Variants in SLC7A9 observed in about 807,000 individuals in gnomAD.
SLC7A9 encodes solute carrier family 7 member 9.
Under a neutral mutation model 54.1 loss-of-function variants are expected in SLC7A9, and 38 were observed. That is an observed-to-expected ratio of 0.70 (90% confidence interval 0.54 to 0.92). The LOEUF is 0.92. SLC7A9 is among the 40% of genes least tolerant of loss of function. The pLI is 0.00. For missense variants in SLC7A9, 537 were observed against 636.1 expected, an observed-to-expected ratio of 0.84 and a Z score of 1.68; for synonymous variants, 264 against 258.9, an observed-to-expected ratio of 1.02 and a Z score of -0.19.
intron 9 of SLC7A9, among the ~76,000 whole-genome samples, chr19:32,854,899 T>G (rs144558636): frequency 2.0e-4 from 31 of 152,248 alleles, no homozygotes; most frequent in Middle Eastern, 3.4e-3. Context: ...TGGGTATATA[T>G]TTGAATGAAT....
Position 32,864,893 on chromosome 19 carries a change from G to C in SLC7A9, c.88-117C>G. On this transcript the variant is annotated intron_variant, in intron 2 of 12. Transcript: ENST00000023064. ...GCCCCAGCCAAAGCCCATGTCCCAG[G>C]CGCTTCCACCCTGAGCGGCTGCCCT... The C allele has an allele frequency of 5.1e-6, 7 of 1,374,440 alleles. No individual in the cohort carries two copies. The South Asian group carries it at 7.0e-5, about 14-fold the overall frequency. 85.1% of individuals were successfully genotyped at this position (1,374,440 alleles called of 1,614,324 possible). A position where few individuals can be genotyped will look rare whatever the true frequency, so the allele number is the denominator to read the frequency against.
chr19:32,849,109 A>C (rs928999483), intron 9 of SLC7A9, among the ~76,000 whole-genome samples: 11 of 152,296 alleles, frequency 7.2e-5, no homozygotes, highest in Non-Finnish European at 1.6e-4. Flanking sequence ...ACAACCTAAC[A>C]TCACAATTAA....
intron 11 of SLC7A9, among the ~76,000 whole-genome samples, chr19:32,839,246 G>C (rs1968060153): frequency 6.6e-6 from 1 of 151,898 alleles, no homozygotes; most frequent in South Asian, 2.1e-4. Context: ...TCATTCTCTG[G>C]GTGATTCCTC....
Position 32,864,648 on chromosome 19 carries a change from G to T in SLC7A9, c.216C>A (p.Cys72Ter). 2 of 1,613,852 alleles carry T rather than the reference G, an allele frequency of 1.2e-6. No homozygotes were observed. Among genetic ancestry groups the T allele is most frequent in the Non-Finnish European group, 1.7e-6 (2 of 1,180,032 alleles). ...CTTTACCCAGCGTCGCGAGGACCCC[G>T]CAAGCCGCCCATATGATGAGGCAGG... ...VGPCLIIWAA[C>*]GVLATLGALC... Residue 72 changes from cysteine to a stop codon, truncating the protein, a stop_gained, in exon 3 of 13, where the codon TGC (cysteine) becomes TGA (stop). Transcript: ENST00000023064. LOFTEE classifies it high-confidence loss of function.
chr19:32,863,657 G>A (rs1418629854), intron 4 of SLC7A9, among the ~76,000 whole-genome samples: 5 of 152,154 alleles, frequency 3.3e-5, no homozygotes, highest in East Asian at 3.9e-4. Flanking sequence ...CACTGCCTGC[G>A]GCCCACCCCT....
intron 12 of SLC7A9, among the ~76,000 whole-genome samples, chr19:32,832,123 AAAC>A (rs147382051): frequency 0.025 from 3,820 of 151,932 alleles, 80 homozygotes; most frequent in Middle Eastern, 0.078. Context: ...TAAAAATACA[AAAC>A]AACAACAAGG....
In SLC7A9 at chr19:32,868,721, C is replaced by G; in HGVS notation, c.-111-76G>C. On this transcript the variant is annotated intron_variant, in intron 1 of 12. Coordinates refer to ENST00000023064, the MANE Select transcript of SLC7A9 (RefSeq NM_014270.5). ...CCCTCAGGGCTCATGCGCTGGGCCC[C>G]AGAGTCAAAGTCAGTCATTAACATT... 3 of 660,574 alleles carry G rather than the reference C, an allele frequency of 4.5e-6. No homozygotes were observed. In the South Asian group the frequency reaches 4.8e-5, roughly 11 times the overall value. 40.9% of individuals were successfully genotyped at this position (660,574 alleles called of 1,614,324 possible).
rs1268260531 is a variant in SLC7A9, at chr19:32,864,704, A to G, written c.160T>C (p.Ser54Pro). ...IGSGIFVSPKSVLSNTEAVGP... is the reference protein window; with the variant it reads ...IGSGIFVSPKPVLSNTEAVGP... ...ACAGCTTCCGTGTTGCTGAGCACAGACTTGGGGGAAACGAAGATCCCAGAG... is the reference window on the plus strand; with the variant it reads ...ACAGCTTCCGTGTTGCTGAGCACAGGCTTGGGGGAAACGAAGATCCCAGAG... The change falls in exon 3 of 13, where the codon TCT (serine) becomes CCT (proline). Residue 54 changes from serine to proline, a missense_variant. Coordinates refer to ENST00000023064, the MANE Select transcript of SLC7A9 (RefSeq NM_014270.5). 1 of 1,614,068 alleles carries G rather than the reference A, an allele frequency of 6.2e-7. No homozygotes were observed. Among genetic ancestry groups the G allele is most frequent in the African/African-American group, 1.3e-5 (1 of 74,938 alleles).
At position 32,864,625 on chromosome 19, in the gene SLC7A9, T is replaced by C; in HGVS notation, c.235+4A>G. On this transcript the variant is annotated splice_donor_region_variant and intron_variant, in intron 3 of 12. Coordinates refer to ENST00000023064, the MANE Select transcript of SLC7A9 (RefSeq NM_014270.5). ...GGCTGCAACAGGCTCCCAAGTCTCT[T>C]TACCCAGCGTCGCGAGGACCCCGCA... is the stretch of plus-strand genomic sequence containing the variant. 2 of 1,613,074 alleles carry C rather than the reference T, an allele frequency of 1.2e-6. No homozygotes were observed. Among genetic ancestry groups the C allele is most frequent in the Non-Finnish European group, 1.7e-6 (2 of 1,179,978 alleles).
chr19:32,860,788 T>TC, intron 6 of SLC7A9, 138 bp from the exon 7 acceptor site: 1 of 1,241,728 alleles, frequency 8.1e-7, no homozygotes, highest in Non-Finnish European at 1.1e-6. Context: ...CAGGTGAATT[T>TC]TTTTCCAGGT....
intron 9 of SLC7A9, among the ~76,000 whole-genome samples, chr19:32,850,777 T>C (rs1968444541): frequency 6.6e-6 from 1 of 152,122 alleles, no homozygotes; most frequent in Non-Finnish European, 1.5e-5. Context: ...CAAACTATAC[T>C]ACAAGGCTAC....
At chr19:32,832,844 G>T in intron 12 of SLC7A9, 1 of 352,836 alleles carries the variant, frequency 2.8e-6, no homozygotes, top group Non-Finnish European at 5.4e-6. Flanking sequence ...GGGAGTTCAA[G>T]ACTGCAGTGA....
chr19:32,844,049 G>A (rs1178757339), intron 9 of SLC7A9, 98 bp from the exon 10 acceptor site: 26 of 872,288 alleles, frequency 3.0e-5, no homozygotes, highest in Admixed American at 5.8e-5. Context: ...AGGAGCCCTC[G>A]GGAGGCTCAG....
At chr19:32,868,230 C>CAAAAAA (rs57317909) in intron 2 of SLC7A9, among the ~76,000 whole-genome samples, 2 of 88,478 alleles carry the variant, frequency 2.3e-5, no homozygotes, top group Non-Finnish European at 4.6e-5. Context: ...CACTCCATCT[C>CAAAAAA]AAAAAAAAAA....
intron 11 of SLC7A9, among the ~76,000 whole-genome samples, chr19:32,835,017 T>A (rs1477372871): frequency 6.6e-6 from 1 of 152,194 alleles, no homozygotes; most frequent in Non-Finnish European, 1.5e-5. Context: ...CTCGAACTCC[T>A]GACCTCAAAT....
chr19:32,867,321 G>A (rs2145851234), intron 2 of SLC7A9, among the ~76,000 whole-genome samples: 1 of 152,212 alleles, frequency 6.6e-6, no homozygotes, highest in East Asian at 1.9e-4. Context: ...GGGCAACACA[G>A]CAAGATACTG....
chr19:32,839,001 G>A (rs1044241433), intron 11 of SLC7A9, among the ~76,000 whole-genome samples: 1 of 151,992 alleles, frequency 6.6e-6, no homozygotes, highest in Non-Finnish European at 1.5e-5. Flanking sequence ...TTAGCTAGGT[G>A]TTCTCTTCCT....
chr19:32,854,646 T>C (rs562073219), intron 9 of SLC7A9, among the ~76,000 whole-genome samples: 1 of 152,268 alleles, frequency 6.6e-6, no homozygotes, highest in African/African-American at 2.4e-5. Context: ...TGGAGTGCAC[T>C]GGTGCGATCT....
chr19:32,859,809 G>GC (rs1968739901), intron 8 of SLC7A9, 32 bp downstream of exon 8: 1 of 1,573,800 alleles, frequency 6.4e-7, no homozygotes, highest in Non-Finnish European at 8.7e-7. Flanking sequence ...ACAAGCCACA[G>GC]CCCCCGCCAG....
Sources: gnomAD v4.1 joint callset for allele counts (sites outside exome capture counted in the v4.1 genomes callset) on GRCh38, gnomAD v4.1.1 for gene constraint, MANE v1.5 for transcripts, NCBI Gene and HGNC (gene_info 2026-07-23, HGNC 2026-07-21) for gene names.